CARMIL1: variants seen among roughly 807,000 people sequenced by gnomAD.
CARMIL1 encodes the protein capping protein regulator and myosin 1 linker 1.
CARMIL1 carries 90 observed loss-of-function variants against 177.1 expected under a neutral mutation model. The ratio of observed to expected loss-of-function variants is 0.51; its 90% confidence interval spans 0.43 to 0.61. The LOEUF is 0.61. Ranked by LOEUF, CARMIL1 falls within the 20% of genes least tolerant of loss-of-function variation. CARMIL1 has a pLI of 0.00. For synonymous variants in CARMIL1, 577 were observed against 606.2 expected (o/e 0.95, Z 0.71); for missense variants, 1,380 against 1,667.0 (o/e 0.83, Z 3.00).
intron 29 of CARMIL1, among the ~76,000 whole-genome samples, chr6:25,568,023 G>A (rs767875079): frequency 6.6e-6 from 1 of 152,136 alleles, no homozygotes; most frequent in Non-Finnish European, 1.5e-5. Flanking sequence ...TCTATCACAA[G>A]CCTATCCTTT....
intron 8 of CARMIL1, among the ~76,000 whole-genome samples, chr6:25,458,768 C>A (rs547295568): frequency 2.6e-5 from 4 of 152,100 alleles, no homozygotes; most frequent in African/African-American, 7.2e-5. Context: ...TGTAACCTTG[C>A]ATATTTCAAA....
intron 2 of CARMIL1, among the ~76,000 whole-genome samples, chr6:25,344,937 C>T (rs1002323348): frequency 6.6e-6 from 1 of 152,108 alleles, no homozygotes; most frequent in Admixed American, 6.5e-5. Flanking sequence ...TAAAAACATC[C>T]TCTCTTGACT....
chr6:25,470,486 C>T (rs1800997967), intron 9 of CARMIL1, among the ~76,000 whole-genome samples: 1 of 152,174 alleles, frequency 6.6e-6, no homozygotes. Flanking sequence ...TTTCATGAGC[C>T]TGGATTAGGT....
At chr6:25,546,669 CAAAAAA>C (rs58285338) in intron 26 of CARMIL1, among the ~76,000 whole-genome samples, 35 of 115,484 alleles carry the variant, frequency 3.0e-4, no homozygotes, top group Admixed American at 8.1e-4. Context: ...ACAACAACAA[CAAAAAA>C]AAAAAAAAAA....
Position 25,475,133 on chromosome 6 carries a change from T to C in CARMIL1, c.874+2612T>C, listed in dbSNP as rs1018456999. On this transcript the variant is annotated intron_variant, in intron 11 of 36. Coordinates refer to ENST00000329474, the MANE Select transcript of CARMIL1 (RefSeq NM_017640.6). ...TTAAAAAGTTAAACTTGGCTGGGCG[T>C]GGTGGCTCACGCCTGTAATCCCAGC... Among the ~76,000 whole-genome samples the C allele has an allele frequency of 2.6e-5, 4 of 152,058 alleles. No homozygotes were observed. The East Asian group carries it at 7.7e-4, about 29-fold the overall frequency.
In CARMIL1 at chr6:25,600,558, C is replaced by T. The variant is rs568931456; in HGVS notation, c.3364C>T (p.Arg1122Trp). The T allele has an allele frequency of 9.6e-5, 155 of 1,613,800 alleles. No homozygotes were observed. Among genetic ancestry groups the T allele is most frequent in the Non-Finnish European group, 1.1e-4 (134 of 1,179,894 alleles). Reference sequence around the variant, plus strand: ...CGCCGAGCACAATGGCAATTCTGAACGGATAGAGGAGATAAAAACACCTGA... The same window carrying T: ...CGCCGAGCACAATGGCAATTCTGAATGGATAGAGGAGATAAAAACACCTGA... ...KAAEHNGNSE[R>W]IEEIKTPDSF... Residue 1122 changes from arginine to tryptophan, a missense_variant, in exon 33 of 37, where the codon CGG becomes TGG. Physicochemically the swap from Arg to Trp is moderately radical, Grantham distance 101. Transcript: ENST00000329474.
chr6:25,283,056 A>G (rs1260208610), intron 1 of CARMIL1, among the ~76,000 whole-genome samples: 2 of 152,236 alleles, frequency 1.3e-5, no homozygotes, highest in African/African-American at 2.4e-5. Flanking sequence ...GATAAGTAGA[A>G]TATAACCAGG....
At chr6:25,551,179 T>C (rs1810068501) in intron 27 of CARMIL1, 94 bp downstream of exon 27, 14 of 933,282 alleles carry the variant, frequency 1.5e-5, no homozygotes, top group Non-Finnish European at 2.0e-5. Context: ...TGTATCCATA[T>C]ATAATGTGTT....
At chr6:25,431,346 G>A (rs72831263) in intron 4 of CARMIL1, among the ~76,000 whole-genome samples, 34,542 of 151,948 alleles carry the variant, frequency 0.23, 4,110 homozygotes, top group South Asian at 0.26. Context: ...TTGTCACTAT[G>A]TTTTTTGAGA....
chr6:25,455,473 C>A (rs967035645), intron 8 of CARMIL1, among the ~76,000 whole-genome samples: 1 of 152,172 alleles, frequency 6.6e-6, no homozygotes. Context: ...ACCATAGTCC[C>A]AGAATAAAGG....
chr6:25,405,360 A>G (rs537521093), intron 2 of CARMIL1, among the ~76,000 whole-genome samples: 59 of 152,298 alleles, frequency 3.9e-4, no homozygotes, highest in African/African-American at 1.4e-3. Flanking sequence ...TGTATACCTC[A>G]TATAAGGTCT....
chr6:25,342,021 T>C (rs1201668207), intron 2 of CARMIL1, among the ~76,000 whole-genome samples: 1 of 152,210 alleles, frequency 6.6e-6, no homozygotes, highest in Non-Finnish European at 1.5e-5. Flanking sequence ...GGCTAGTTGC[T>C]AGCAACTTAC....
intron 4 of CARMIL1, among the ~76,000 whole-genome samples, 179 bp from the exon 5 acceptor site, chr6:25,435,304 A>T (rs886803839): frequency 1.3e-5 from 2 of 152,186 alleles, no homozygotes; most frequent in Non-Finnish European, 2.9e-5. Context: ...CATGAGGGTG[A>T]TGGTTGGGTG....
chr6:25,378,254 C>T (rs1791188932), intron 2 of CARMIL1, among the ~76,000 whole-genome samples: 1 of 152,198 alleles, frequency 6.6e-6, no homozygotes, highest in Admixed American at 6.5e-5. Context: ...CCACTAGCAG[C>T]AGCTAGCTGG....
intron 2 of CARMIL1, among the ~76,000 whole-genome samples, chr6:25,316,296 C>T (rs1330956727): frequency 6.6e-6 from 1 of 152,014 alleles, no homozygotes; most frequent in Non-Finnish European, 1.5e-5. Context: ...AGGTGTTTTG[C>T]GTTTGTCTAG....
At chr6:25,294,093 A>G (rs1486882057) in intron 2 of CARMIL1, among the ~76,000 whole-genome samples, 1 of 152,206 alleles carries the variant, frequency 6.6e-6, no homozygotes, top group Non-Finnish European at 1.5e-5. Flanking sequence ...GTTTCTTTAG[A>G]TATGTGTAGA....
intron 8 of CARMIL1, chr6:25,452,463 C>A: frequency 4.5e-6 from 2 of 444,406 alleles, no homozygotes; most frequent in Non-Finnish European, 8.0e-6. Flanking sequence ...GGTCCCTTTA[C>A]AATCTTAAAA....
At chr6:25,536,240 TCAATA>T (rs1808291354) in intron 24 of CARMIL1, among the ~76,000 whole-genome samples, 1 of 152,128 alleles carries the variant, frequency 6.6e-6, no homozygotes. Flanking sequence ...GAGGCACAGA[TCAATA>T]CAATAGTTAG....
At chr6:25,475,636 A>C (rs1801499888) in intron 11 of CARMIL1, among the ~76,000 whole-genome samples, 1 of 152,256 alleles carries the variant, frequency 6.6e-6, no homozygotes. Context: ...TACTCAAAAG[A>C]GAATGGAATT....
Sources: gnomAD v4.1 joint callset for allele counts (sites outside exome capture counted in the v4.1 genomes callset) on GRCh38, gnomAD v4.1.1 for gene constraint, MANE v1.5 for transcripts, NCBI Gene and HGNC (gene_info 2026-07-23, HGNC 2026-07-21) for gene names.